CSMD2: variants seen among roughly 807,000 people sequenced by gnomAD.
The protein encoded by CSMD2 is CUB and Sushi multiple domains 2, also known as CUB and sushi domain-containing protein 2.
CSMD2 carries 130 observed loss-of-function variants against 398.5 expected under a neutral mutation model. The observed-to-expected ratio is 0.33, with a 90% CI of 0.28 to 0.38. The LOEUF (loss-of-function observed/expected upper bound fraction) is 0.38, where lower values mean the gene tolerates loss of function less well. Among genes scored for constraint, CSMD2 ranks in the 10% least tolerant of loss-of-function variants. The pLI is 1.00. For missense variants in CSMD2, 3,829 were observed against 4,764.9 expected (o/e 0.80, Z 5.78); for synonymous variants, 1,828 against 1,908.5 (o/e 0.96, Z 1.10).
At chr1:33,768,535 C>CAT (rs1491254479) in intron 13 of CSMD2, among the ~76,000 whole-genome samples, 8 of 114,506 alleles carry the variant, frequency 7.0e-5, no homozygotes, top group African/African-American at 2.6e-4. Flanking sequence ...TGTGTGCGTG[C>CAT]ATGTGTGTGT....
At chr1:34,062,479 A>G (rs1443374804) in intron 2 of CSMD2, among the ~76,000 whole-genome samples, 1 of 152,220 alleles carries the variant, frequency 6.6e-6, no homozygotes, top group African/African-American at 2.4e-5. Flanking sequence ...GTTTCAGGAC[A>G]TGCATTCGAG....
chr1:34,063,081 G>A (rs1202652474), intron 2 of CSMD2, among the ~76,000 whole-genome samples: 1 of 152,074 alleles, frequency 6.6e-6, no homozygotes, highest in East Asian at 1.9e-4. Context: ...AGAACAGTAT[G>A]GGGGAAACCG....
At chr1:33,601,570 A>G (rs1010317264) in intron 43 of CSMD2, among the ~76,000 whole-genome samples, 5 of 152,206 alleles carry the variant, frequency 3.3e-5, no homozygotes, top group Non-Finnish European at 7.4e-5. Flanking sequence ...GAATTTTGGA[A>G]GAGAATTCCC....
Position 33,514,367 on chromosome 1 carries a change from CTT to C in CSMD2, c.*2255_*2256del, listed in dbSNP as rs1341176106. On this transcript the variant is annotated 3_prime_UTR_variant, in exon 71 of 71. Coordinates refer to ENST00000373381, the MANE Select transcript of CSMD2 (RefSeq NM_001281956.2). ...AAAGATTTTTTTTGTCTTTGTTTTA[CTT>C]TTTTTTTTTTCCTCATGGGATGGTG... is the stretch of plus-strand genomic sequence containing the variant. 2 of 136,510 alleles carry C rather than the reference CTT, an allele frequency of 1.5e-5. No homozygotes were observed. Among genetic ancestry groups the C allele is most frequent in the Non-Finnish European group, 1.6e-5 (1 of 62,880 alleles). 8.5% of individuals were successfully genotyped at this position (136,510 alleles called of 1,614,324 possible).
chr1:33,580,772 G>C lies in CSMD2; in HGVS notation c.7368C>G (p.Gly2456=), dbSNP rs749728892. The C allele has an allele frequency of 1.2e-6, 2 of 1,614,024 alleles. No homozygotes were observed. Among genetic ancestry groups the C allele is most frequent in the African/African-American group, 2.7e-5 (2 of 74,916 alleles). Residue 2456 remains glycine, a synonymous_variant, in exon 48 of 71, where the codon GGC becomes GGG. Transcript: ENST00000373381. The part of the protein sequence containing the change: ...WSSDHAYNRK[G]FKIRYSAPYC... ...ACTCACCTGAATAGCGGATCTTGAA[G>C]CCCTTCCGATTGTAGGCGTGATCAG...
intron 5 of CSMD2, among the ~76,000 whole-genome samples, chr1:33,898,410 G>A (rs1275085206): frequency 1.3e-5 from 2 of 152,094 alleles, no homozygotes; most frequent in Non-Finnish European, 2.9e-5. Flanking sequence ...AAACTTAAGA[G>A]TTACAGCTTT....
intron 28 of CSMD2, among the ~76,000 whole-genome samples, chr1:33,650,939 C>T (rs533951108): frequency 6.6e-6 from 1 of 152,278 alleles, no homozygotes; most frequent in East Asian, 1.9e-4. Context: ...ACATTATGTA[C>T]TTTTTTATGT....
At chr1:33,588,113 T>C (rs1350043089) in intron 44 of CSMD2, among the ~76,000 whole-genome samples, 1 of 152,262 alleles carries the variant, frequency 6.6e-6, no homozygotes, top group African/African-American at 2.4e-5. Flanking sequence ...GTGTTTATTC[T>C]CTGCAAATAT....
At chr1:33,803,334 CCT>C (rs1212020565) in intron 10 of CSMD2, among the ~76,000 whole-genome samples, 3 of 152,220 alleles carry the variant, frequency 2.0e-5, no homozygotes, top group Admixed American at 2.0e-4. Context: ...AACACCCAAA[CCT>C]CTCTCTTAAA....
chr1:33,638,685 G>A (rs1359796569), intron 29 of CSMD2, among the ~76,000 whole-genome samples: 1 of 152,182 alleles, frequency 6.6e-6, no homozygotes, highest in Non-Finnish European at 1.5e-5. Context: ...TCGTCTCTAT[G>A]CTAGCTTTGC....
chr1:33,670,368 C>T (rs1053484246), intron 25 of CSMD2, among the ~76,000 whole-genome samples: 3 of 152,226 alleles, frequency 2.0e-5, no homozygotes, highest in African/African-American at 4.8e-5. Flanking sequence ...ACGAATGGCT[C>T]ACCAGCTTTC....
chr1:33,716,550 AACC>A, intron 19 of CSMD2, 49 bp from the exon 20 acceptor site: 1 of 1,364,576 alleles, frequency 7.3e-7, no homozygotes, highest in Non-Finnish European at 1.0e-6. Context: ...ATGGCTGGAG[AACC>A]TCAGCTGCAA....
intron 3 of CSMD2, 123 bp from the exon 4 acceptor site, chr1:33,936,077 T>C (rs1013895174): frequency 2.7e-6 from 2 of 731,090 alleles, no homozygotes; most frequent in Non-Finnish European, 4.4e-6. Context: ...TCTTCTTCTG[T>C]GAACAGCATT....
At chr1:34,023,158 A>G (rs1401557673) in intron 3 of CSMD2, among the ~76,000 whole-genome samples, 1 of 152,182 alleles carries the variant, frequency 6.6e-6, no homozygotes, top group Non-Finnish European at 1.5e-5. Flanking sequence ...TAAACCCTTT[A>G]ACCCAATTAA....
intron 48 of CSMD2, 98 bp from the exon 49 acceptor site, chr1:33,577,582 C>T: frequency 9.3e-7 from 1 of 1,069,954 alleles, no homozygotes; most frequent in South Asian, 1.9e-5. Context: ...CCCCCATCCC[C>T]TTGTCTTTGC....
chr1:33,675,739 A>T (rs1469343863), intron 25 of CSMD2, among the ~76,000 whole-genome samples: 1 of 152,208 alleles, frequency 6.6e-6, no homozygotes, highest in African/African-American at 2.4e-5. Context: ...ATCCAGCAGC[A>T]CATCAAAAAG....
intron 26 of CSMD2, among the ~76,000 whole-genome samples, chr1:33,662,060 AGAG>A (rs1644154968): frequency 6.6e-6 from 1 of 152,230 alleles, no homozygotes; most frequent in South Asian, 2.1e-4. Context: ...GAGGCACTTC[AGAG>A]GAGATGAGAT....
At chr1:33,781,052 TC>T (rs1289870078) in intron 12 of CSMD2, among the ~76,000 whole-genome samples, 1 of 152,126 alleles carries the variant, frequency 6.6e-6, no homozygotes, top group African/African-American at 2.4e-5. Context: ...TAAAACCACC[TC>T]TTCTGGGGGC....
chr1:33,841,259 G>A (rs1272794022), intron 6 of CSMD2, among the ~76,000 whole-genome samples: 1 of 152,200 alleles, frequency 6.6e-6, no homozygotes, highest in Non-Finnish European at 1.5e-5. Context: ...AAGAGCAGGT[G>A]TCTAAGGGAG....
Sources: allele counts gnomAD v4.1 joint callset (sites outside exome capture counted in the v4.1 genomes callset), GRCh38; gene constraint gnomAD v4.1.1; transcripts MANE v1.5; gene names NCBI Gene and HGNC (gene_info 2026-07-23, HGNC 2026-07-21).